GRIP1: variants seen among roughly 807,000 people sequenced by gnomAD.
GRIP1 encodes the protein glutamate receptor-interacting protein 1.
A neutral mutation model predicts 129.9 loss-of-function variants in GRIP1; 45 were observed. The observed-to-expected ratio is 0.35, with a 90% confidence interval of 0.27 to 0.44. The LOEUF (loss-of-function observed/expected upper bound fraction) is 0.44. Ranked by LOEUF, GRIP1 falls within the 20% of genes least tolerant of loss-of-function variation. GRIP1 has a pLI of 1.00. For synonymous variants in GRIP1, 530 were observed against 520.8 expected (o/e 1.02, Z -0.24); for missense variants, 1,196 against 1,396.8 (o/e 0.86, Z 2.29).
At chr12:66,485,996 T>C (rs1024843094) in intron 7 of GRIP1, among the ~76,000 whole-genome samples, 4 of 152,054 alleles carry the variant, frequency 2.6e-5, no homozygotes, top group East Asian at 3.9e-4. Flanking sequence ...GTCAGTACCA[T>C]ATTGTCTTAA....
intron 23 of GRIP1, among the ~76,000 whole-genome samples, chr12:66,367,797 C>T (rs2055238869): frequency 6.6e-6 from 1 of 152,168 alleles, no homozygotes; most frequent in South Asian, 2.1e-4. Context: ...AAACAGTGGC[C>T]TAAAGGGACA....
chr12:66,588,983 A>AT (rs913018059), intron 2 of GRIP1, among the ~76,000 whole-genome samples: 1 of 142,534 alleles, frequency 7.0e-6, no homozygotes, highest in Admixed American at 7.4e-5. Context: ...CTACAAAAAA[A>AT]AAAATTAAAT....
At chr12:66,597,292 C>T (rs2064091057) in intron 1 of GRIP1, among the ~76,000 whole-genome samples, 1 of 151,672 alleles carries the variant, frequency 6.6e-6, no homozygotes, top group Non-Finnish European at 1.5e-5. Flanking sequence ...GTAATGAAGA[C>T]AAAGAAGAAA....
At chr12:66,735,679 G>A (rs1359800279) in intron 1 of GRIP1, among the ~76,000 whole-genome samples, 1 of 152,128 alleles carries the variant, frequency 6.6e-6, no homozygotes, top group Non-Finnish European at 1.5e-5. Flanking sequence ...GACAGGAAGG[G>A]GAGAGTAAGG....
chr12:66,495,241 A>G (rs2060203621), intron 7 of GRIP1, among the ~76,000 whole-genome samples: 1 of 152,178 alleles, frequency 6.6e-6, no homozygotes, highest in African/African-American at 2.4e-5. Flanking sequence ...TGTCCCCAGA[A>G]CTTTTAAGTT....
intron 20 of GRIP1, among the ~76,000 whole-genome samples, chr12:66,377,556 GTCTCGA>G (rs1300510969): frequency 6.7e-6 from 1 of 149,466 alleles, no homozygotes; most frequent in East Asian, 2.0e-4. Context: ...AGCCAGGATG[GTCTCGA>G]TCTCCTGACT....
At chr12:66,586,027 C>T (rs980371182) in intron 2 of GRIP1, among the ~76,000 whole-genome samples, 14 of 152,172 alleles carry the variant, frequency 9.2e-5, no homozygotes, top group African/African-American at 3.4e-4. Flanking sequence ...GCTGCATCCT[C>T]TCTTATGTAT....
At chr12:66,874,378 T>A (rs1465294372) in intron 1 of GRIP1, among the ~76,000 whole-genome samples, 2 of 152,136 alleles carry the variant, frequency 1.3e-5, no homozygotes, top group Admixed American at 1.3e-4. Flanking sequence ...CTGATTCTTT[T>A]TATATCTGGC....
chr12:66,463,166 G>T, intron 8 of GRIP1, 73 bp from the exon 9 acceptor site: 2 of 1,259,762 alleles, frequency 1.6e-6, no homozygotes, highest in Non-Finnish European at 1.2e-6. Context: ...GTCCTTCATA[G>T]TTAAAATTTC....
intron 1 of GRIP1, among the ~76,000 whole-genome samples, chr12:66,602,756 T>G (rs180719717): frequency 4.6e-5 from 7 of 152,138 alleles, no homozygotes; most frequent in African/African-American, 9.6e-5. Context: ...CTGCATGGCA[T>G]TAATGTCTAT....
chr12:66,952,841 A>C (rs1237058599), intron 1 of GRIP1, among the ~76,000 whole-genome samples: 1 of 152,222 alleles, frequency 6.6e-6, no homozygotes, highest in East Asian at 1.9e-4. Context: ...GAATACTGAA[A>C]GGAACATGAT....
At chr12:66,478,739 T>C (rs1450956193) in intron 7 of GRIP1, among the ~76,000 whole-genome samples, 4 of 152,218 alleles carry the variant, frequency 2.6e-5, no homozygotes, top group African/African-American at 7.2e-5. Flanking sequence ...GGGACATGGA[T>C]GAAGCTGGAA....
chr12:66,575,789 C>T (rs1227796798), intron 2 of GRIP1, among the ~76,000 whole-genome samples: 2 of 152,134 alleles, frequency 1.3e-5, no homozygotes, highest in Non-Finnish European at 2.9e-5. Flanking sequence ...AGCTGAAATA[C>T]TGAGCTACTC....
intron 1 of GRIP1, among the ~76,000 whole-genome samples, chr12:67,045,785 A>C (rs1010999648): frequency 6.6e-6 from 1 of 152,212 alleles, no homozygotes; most frequent in African/African-American, 2.4e-5. Context: ...AAACTGACTT[A>C]AGTGTTTTGT....
chr12:66,636,758 ACTCT>A (rs138493001), intron 1 of GRIP1, among the ~76,000 whole-genome samples: 3 of 121,818 alleles, frequency 2.5e-5, no homozygotes, highest in Non-Finnish European at 3.5e-5. Flanking sequence ...TGTGTGTCTC[ACTCT>A]CTCTCTCTCT....
rs376663888 is a variant in GRIP1 at position 66,448,009 on chromosome 12, C to T, written c.1355-2501G>A. ...TGCTTTGCCTCCCTCTGCATTTCAG[C>T]GCACAGTTCCATCCTCCAAGTCTTT... On this transcript the variant is annotated intron_variant, in intron 11 of 24. Transcript: ENST00000359742. 1.8e-4 allele frequency among the ~76,000 whole-genome samples: 28 copies of T among 152,314 alleles called. No homozygotes were observed. The East Asian group carries it at 1.9e-3, about 10-fold the overall frequency.
intron 11 of GRIP1, among the ~76,000 whole-genome samples, chr12:66,446,635 C>T (rs1015595574): frequency 6.6e-6 from 1 of 152,138 alleles, no homozygotes; most frequent in African/African-American, 2.4e-5. Context: ...AAAATTCTCC[C>T]CCTTTTCTTC....
chr12:66,695,680 C>T (rs567417235), intron 1 of GRIP1, among the ~76,000 whole-genome samples: 7 of 152,244 alleles, frequency 4.6e-5, no homozygotes, highest in Admixed American at 3.9e-4. Flanking sequence ...TAAGGAGCTT[C>T]TTGGGGAGGG....
intron 1 of GRIP1, among the ~76,000 whole-genome samples, chr12:67,017,106 T>C (rs1012146389): frequency 6.6e-6 from 1 of 152,134 alleles, no homozygotes; most frequent in Non-Finnish European, 1.5e-5. Context: ...TTCTAGGAAT[T>C]TACATTTTAG....
Sources: allele counts gnomAD v4.1 joint callset (sites outside exome capture counted in the v4.1 genomes callset), GRCh38; gene constraint gnomAD v4.1.1; transcripts MANE v1.5; gene names NCBI Gene and HGNC (gene_info 2026-07-23, HGNC 2026-07-21).